The following CCR3 variants were observed in gnomAD, a reference collection of about 807,000 sequenced individuals.
CCR3 encodes the protein C-C motif chemokine receptor 3.
For missense variants in CCR3, 419 were observed against 437.5 expected (o/e 0.96, Z 0.38); for synonymous variants, 203 against 179.2 (o/e 1.13, Z -1.06).
At chr3:46,253,711 G>A (rs2125931909) in intron 1 of CCR3, among the ~76,000 whole-genome samples, 2 of 152,226 alleles carry the variant, frequency 1.3e-5, no homozygotes, top group South Asian at 4.2e-4. Flanking sequence ...TTCTTTTGGA[G>A]TATTTTTGTT....
chr3:46,231,648 A>G (rs556944029), intron 2 of CCR3, among the ~76,000 whole-genome samples: 46 of 152,338 alleles, frequency 3.0e-4, no homozygotes, highest in African/African-American at 1.1e-3. Context: ...CTTGATAAAT[A>G]GGACAGGAGG....
intron 2 of CCR3, among the ~76,000 whole-genome samples, chr3:46,222,268 G>C (rs1699846420): frequency 6.6e-6 from 1 of 152,166 alleles, no homozygotes; most frequent in African/African-American, 2.4e-5. Context: ...GGTGGAGGTG[G>C]GGAGATGGGG....
At chr3:46,238,541 T>A (rs1315212766), upstream of CCR3, among the ~76,000 whole-genome samples, 1 of 152,152 alleles carries the variant, frequency 6.6e-6, no homozygotes, top group African/African-American at 2.4e-5. Context: ...GATCAGGGTA[T>A]GGAGTTTATA....
At chr3:46,227,955 T>C (rs1472163308) in intron 2 of CCR3, among the ~76,000 whole-genome samples, 1 of 152,122 alleles carries the variant, frequency 6.6e-6, no homozygotes, top group Non-Finnish European at 1.5e-5. Flanking sequence ...CATAGGTACT[T>C]GAAAAAGTGT....
upstream of CCR3, among the ~76,000 whole-genome samples, chr3:46,240,140 A>T (rs1278564829): frequency 6.6e-6 from 1 of 152,198 alleles, no homozygotes; most frequent in Non-Finnish European, 1.5e-5. Flanking sequence ...ATAAAGTGAA[A>T]GGAGTGGAAG....
chr3:46,222,027 C>T (rs1269006122), intron 2 of CCR3, among the ~76,000 whole-genome samples: 1 of 152,224 alleles, frequency 6.6e-6, no homozygotes, highest in Non-Finnish European at 1.5e-5. Context: ...GAAGATTCCC[C>T]CTGAGGACTG....
intron 1 of CCR3, among the ~76,000 whole-genome samples, chr3:46,242,926 T>C (rs1700109717): frequency 6.8e-6 from 1 of 146,716 alleles, no homozygotes; most frequent in African/African-American, 2.5e-5. Flanking sequence ...TATTGACTTG[T>C]AAGAAATAGC....
chr3:46,255,913 A>AT (rs372773047), intron 1 of CCR3, among the ~76,000 whole-genome samples: 3,450 of 150,674 alleles, frequency 0.023, 110 homozygotes, highest in African/African-American at 0.071. Flanking sequence ...GAATTTTGGG[A>AT]TTTTTTTTCA....
intron 2 of CCR3, among the ~76,000 whole-genome samples, chr3:46,218,249 C>T (rs961238811): frequency 5.9e-5 from 9 of 151,926 alleles, no homozygotes; most frequent in Admixed American, 2.0e-4. Flanking sequence ...AAATGTACCA[C>T]CCTCCTAGAT....
At chr3:46,244,286 A>T (rs529929027) in intron 1 of CCR3, among the ~76,000 whole-genome samples, 36 of 152,372 alleles carry the variant, frequency 2.4e-4, no homozygotes, top group South Asian at 6.2e-4. Context: ...TTACATTTTT[A>T]AGTAATTTTT....
chr3:46,220,803 G>A (rs567727364), intron 2 of CCR3, among the ~76,000 whole-genome samples: 2 of 152,298 alleles, frequency 1.3e-5, no homozygotes, highest in South Asian at 4.1e-4. Flanking sequence ...GCTATGCTGT[G>A]AGGATATAAA....
intron 2 of CCR3, among the ~76,000 whole-genome samples, chr3:46,214,272 C>A (rs932646522): frequency 6.6e-6 from 1 of 152,130 alleles, no homozygotes. Context: ...CACCTCTCAC[C>A]TCCCCTGCTA....
intron 1 of CCR3, among the ~76,000 whole-genome samples, chr3:46,242,982 C>CATATATATATAT (rs10662192): frequency 1.1e-3 from 113 of 99,302 alleles, no homozygotes; most frequent in African/African-American, 1.0e-3. Context: ...TATATATACA[C>CATATATATATAT]ATATATATAT....
At chr3:46,243,136 T>G (rs576361268) in intron 1 of CCR3, among the ~76,000 whole-genome samples, 1 of 151,914 alleles carries the variant, frequency 6.6e-6, no homozygotes, top group South Asian at 2.1e-4. Flanking sequence ...TAGTATTTGC[T>G]GATAACCTAC....
chr3:46,240,667 A>T (rs955067479), upstream of CCR3, among the ~76,000 whole-genome samples: 1 of 152,336 alleles, frequency 6.6e-6, no homozygotes, highest in Admixed American at 6.5e-5. Context: ...AGGGTCTGTC[A>T]TGACAACTAT....
intron 1 of CCR3, among the ~76,000 whole-genome samples, chr3:46,250,203 C>T (rs1267295317): frequency 6.6e-6 from 1 of 152,020 alleles, no homozygotes; most frequent in East Asian, 1.9e-4. Flanking sequence ...GAGTAAATTG[C>T]TGGGCAGGTG....
intron 1 of CCR3, among the ~76,000 whole-genome samples, chr3:46,243,454 T>G (rs976575368): frequency 6.6e-6 from 1 of 152,188 alleles, no homozygotes; most frequent in African/African-American, 2.4e-5. Context: ...CCACACTAAA[T>G]CAAGCTACTA....
In CCR3 at chr3:46,246,861, C is replaced by T. The variant is rs368209739; in HGVS notation, c.-12+4323C>T. The stretch of plus-strand genomic sequence containing the variant: ...GGGCTGCTTCAAGCGGGATTAGGGG[C>T]GGCGTGGGAACCTAGAGTGGGAGAG... On this transcript the variant is annotated intron_variant, in intron 1 of 1. Coordinates refer to ENST00000395940, the MANE Select transcript of CCR3 (RefSeq NM_178329.3). 2.1e-4 allele frequency among the ~76,000 whole-genome samples: 32 copies of T among 151,922 alleles called. 1 individual carries two copies. The highest frequency in any genetic ancestry group is 5.8e-4 in the African/African-American group (24 of 41,376).
intron 1 of CCR3, among the ~76,000 whole-genome samples, chr3:46,258,688 T>C (rs1432847802): frequency 6.6e-6 from 1 of 152,204 alleles, no homozygotes; most frequent in Non-Finnish European, 1.5e-5. Flanking sequence ...TGACTCTTAT[T>C]CATATAGTTT....
Sources: gnomAD v4.1 joint callset for allele counts (sites outside exome capture counted in the v4.1 genomes callset) on GRCh38, gnomAD v4.1.1 for gene constraint, MANE v1.5 for transcripts, NCBI Gene and HGNC (gene_info 2026-07-23, HGNC 2026-07-21) for gene names.